ESYT2: variants seen among roughly 807,000 people sequenced by gnomAD.
ESYT2 encodes extended synaptotagmin 2.
ESYT2 carries 54 observed loss-of-function variants against 107.2 expected under a neutral mutation model. The ratio of observed to expected loss-of-function variants is 0.50; its 90% CI spans 0.40 to 0.63. The LOEUF (loss-of-function observed/expected upper bound fraction) is 0.63. ESYT2 is among the 30% of genes least tolerant of loss of function. The pLI is 0.00. For synonymous variants in ESYT2, 491 were observed against 434.1 expected (o/e 1.13, Z -1.63); for missense variants, 1,020 against 1,094.5 (o/e 0.93, Z 0.96).
intron 1 of ESYT2, among the ~76,000 whole-genome samples, chr7:158,824,977 C>T (rs1288803596): frequency 6.6e-6 from 1 of 152,134 alleles, no homozygotes; most frequent in African/African-American, 2.4e-5. Context: ...CTGGGGAACA[C>T]AGCGAGAACC....
At position 158,788,290 on chromosome 7, in the gene ESYT2, A is replaced by C. The variant is rs548671499; in HGVS notation, c.657+55T>G. On this transcript the variant is annotated intron_variant, in intron 5 of 22. Transcript: ENST00000275418. ...ACTTCCTAATTTTATTTTTGAATAC[A>C]GCTTAGAGAACTTTAGAAAACTGTC... The C allele has an allele frequency of 4.3e-3, 6,467 of 1,495,126 alleles. 16 individuals carry two copies. The highest frequency in any genetic ancestry group is 5.3e-3 in the Non-Finnish European group (5,799 of 1,103,788). The allele number at this position is 1,495,126 out of a possible 1,614,324, so 92.6% of individuals were successfully genotyped here.
intron 21 of ESYT2, among the ~76,000 whole-genome samples, chr7:158,735,122 G>C (rs576610691): frequency 5.9e-5 from 9 of 152,184 alleles, no homozygotes; most frequent in Non-Finnish European, 1.3e-4. Context: ...CTCCCCAACT[G>C]AACCTACTCT....
rs1408921022 is a variant in ESYT2, at chr7:158,735,488, T to A, written c.2505+15A>T. 1 of 1,603,444 alleles carries A rather than the reference T, an allele frequency of 6.2e-7. No individual in the cohort carries two copies. The highest frequency in any genetic ancestry group is 8.5e-7 in the Non-Finnish European group (1 of 1,170,646). ...CAAACTGCAGGAACTGGTTGAGGAT[T>A]CGTTTGGCACTTACTTTGCCAAGGA... On this transcript the variant is annotated intron_variant, in intron 21 of 22. Transcript: ENST00000275418.
rs1406091509 is a variant in ESYT2 at position 158,759,532 on chromosome 7, G to T, written c.1373C>A (p.Ser458Tyr). 1 of 1,612,636 alleles carries T rather than the reference G, an allele frequency of 6.2e-7. No homozygotes were observed. The highest frequency in any genetic ancestry group is 8.5e-7 in the Non-Finnish European group (1 of 1,178,826). The change falls in exon 13 of 23, where the codon TCC (serine) becomes TAC (tyrosine). Residue 458 changes from serine (S) to tyrosine (Y), a missense_variant. Coordinates refer to ENST00000275418, the MANE Select transcript of ESYT2 (RefSeq NM_001367773.1). The part of the protein sequence containing the change: ...ADKDQANDGL[S>Y]SALLILYLDS... Reference sequence around the variant, plus strand: ...CAAGTACAAGATCAGCAATGCAGAGGAAAGACCATCGTTGGCTTGGTCTTT... The same window carrying T: ...CAAGTACAAGATCAGCAATGCAGAGTAAAGACCATCGTTGGCTTGGTCTTT...
rs980461293 is a variant in ESYT2, at chr7:158,757,383, C to T, written c.1419+2103G>A. 5.3e-5 allele frequency among the ~76,000 whole-genome samples: 8 copies of T among 152,188 alleles called. No homozygotes were observed. The South Asian group carries it at 6.2e-4, about 12-fold the overall frequency. ...TATTTTCACAAAACACTAGTCCCGA[C>T]GCTCGCCTCTCTTTTAAGTAGCCAC... On this transcript the variant is annotated intron_variant, in intron 13 of 22. Transcript: ENST00000275418.
Position 158,779,016 on chromosome 7 carries a change from C to T in ESYT2, c.748-5620G>A, listed in dbSNP as rs184767129. ...GGGAGGGCACTGACATAATGTTTTG[C>T]TAGATTTTAAATGATAAAAACTGCC... On this transcript the variant is annotated intron_variant, in intron 6 of 22. Coordinates refer to ENST00000275418, the MANE Select transcript of ESYT2 (RefSeq NM_001367773.1). 2.1e-3 allele frequency among the ~76,000 whole-genome samples: 316 copies of T among 152,186 alleles called. 8 individuals carry two copies. Among genetic ancestry groups the T allele is most frequent in the Non-Finnish European group, 3.2e-4 (22 of 67,980 alleles).
chr7:158,827,883 A>C (rs1270300296), intron 1 of ESYT2, among the ~76,000 whole-genome samples: 1 of 152,208 alleles, frequency 6.6e-6, no homozygotes. Context: ...GAAACTGTGA[A>C]GCCAAGTCAT....
chr7:158,775,073 G>A (rs909138584), intron 6 of ESYT2, among the ~76,000 whole-genome samples: 5 of 152,216 alleles, frequency 3.3e-5, no homozygotes, highest in Non-Finnish European at 7.3e-5. Flanking sequence ...GAGCAGTGCA[G>A]TAAAGGGAAT....
At chr7:158,773,289 T>G (rs1189236486) in intron 7 of ESYT2, 52 bp downstream of exon 7, 3 of 1,601,090 alleles carry the variant, frequency 1.9e-6, no homozygotes, top group Non-Finnish European at 2.6e-6. Flanking sequence ...ACATCCAAAA[T>G]GCACAACACG....
Position 158,829,204 on chromosome 7 carries a change from C to T in ESYT2, c.215G>A (p.Trp72Ter), listed in dbSNP as rs866412201. ...CTTGAGGCCGCGGCTGCGGCGACAC[C>T]AGGCGAGCAGCGCGAGCGCGAGGAG... ...WVLLALALLAWCRRSRGLKAL... is the reference protein window; with the variant it reads ...WVLLALALLA Residue 72 changes from tryptophan (W) to a stop codon, truncating the protein, a stop_gained, in exon 1 of 23, where the codon TGG becomes TAG. Coordinates refer to ENST00000275418, the MANE Select transcript of ESYT2 (RefSeq NM_001367773.1). LOFTEE classifies it high-confidence loss of function. 1 of 1,531,578 alleles carries T rather than the reference C, an allele frequency of 6.5e-7. No homozygotes were observed. Among genetic ancestry groups the T allele is most frequent in the Non-Finnish European group, 8.7e-7 (1 of 1,146,890 alleles). 94.9% of individuals were successfully genotyped at this position (1,531,578 alleles called of 1,614,324 possible).
chr7:158,822,099 C>T (rs1028260309), intron 1 of ESYT2, among the ~76,000 whole-genome samples: 1 of 152,130 alleles, frequency 6.6e-6, no homozygotes, highest in Admixed American at 6.6e-5. Flanking sequence ...TAGAGTGGGT[C>T]CTTACATCTC....
At chr7:158,808,485 T>C (rs745669285) in intron 1 of ESYT2, among the ~76,000 whole-genome samples, 9 of 152,358 alleles carry the variant, frequency 5.9e-5, no homozygotes, top group East Asian at 1.9e-4. Flanking sequence ...AGAGAAGCCA[T>C]TGAGTGCTTC....
At chr7:158,806,017 C>T (rs1413682491) in intron 1 of ESYT2, among the ~76,000 whole-genome samples, 1 of 152,100 alleles carries the variant, frequency 6.6e-6, no homozygotes, top group Non-Finnish European at 1.5e-5. Flanking sequence ...CCCAGGGACA[C>T]AGGGCTCTTT....
At chr7:158,815,006 CCT>C (rs1239539828) in intron 1 of ESYT2, among the ~76,000 whole-genome samples, 2 of 152,224 alleles carry the variant, frequency 1.3e-5, no homozygotes, top group Non-Finnish European at 2.9e-5. Flanking sequence ...GCCTTGCTCA[CCT>C]CTGACATTAG....
chr7:158,747,858 ACTC>A (rs1837455743), intron 16 of ESYT2, among the ~76,000 whole-genome samples: 1 of 152,174 alleles, frequency 6.6e-6, no homozygotes, highest in Non-Finnish European at 1.5e-5. Flanking sequence ...CATAACTACT[ACTC>A]AACAATAAAA....
chr7:158,782,909 C>G (rs1838965291), intron 6 of ESYT2, among the ~76,000 whole-genome samples: 1 of 152,156 alleles, frequency 6.6e-6, no homozygotes, highest in African/African-American at 2.4e-5. Context: ...ACAGGAGGCT[C>G]CAAAGCCCAG....
chr7:158,764,883 C>T lies in ESYT2; in HGVS notation c.925-30G>A, dbSNP rs201820773. 567 of 1,604,596 alleles carry T rather than the reference C, an allele frequency of 3.5e-4. 6 individuals are homozygous for T. The highest frequency in any genetic ancestry group is 6.8e-4 in the Admixed American group (40 of 58,722). ...AAAGAAGAACAAACTGAAGTTTAGA[C>T]CCTTGGCTGGCTTGTTTAACTGGCA... is the stretch of plus-strand genomic sequence containing the variant. On this transcript the variant is annotated intron_variant, in intron 8 of 22. Coordinates refer to ENST00000275418, the MANE Select transcript of ESYT2 (RefSeq NM_001367773.1).
At chr7:158,737,603 C>A (rs1029279804) in intron 19 of ESYT2, among the ~76,000 whole-genome samples, 1 of 152,136 alleles carries the variant, frequency 6.6e-6, no homozygotes, top group African/African-American at 2.4e-5. Flanking sequence ...GCTGCACAGG[C>A]CCCCACATTC....
intron 9 of ESYT2, 43 bp downstream of exon 9, chr7:158,764,634 C>A: frequency 1.3e-6 from 2 of 1,599,536 alleles, no homozygotes; most frequent in Middle Eastern, 1.7e-4. Context: ...CCGCTCAGGG[C>A]TCAGCCCACC....
Sources: gnomAD v4.1 joint callset for allele counts (sites outside exome capture counted in the v4.1 genomes callset) on GRCh38, gnomAD v4.1.1 for gene constraint, MANE v1.5 for transcripts, NCBI Gene and HGNC (gene_info 2026-07-23, HGNC 2026-07-21) for gene names.